Variants in ACVR2A observed in about 807,000 individuals in gnomAD.
ACVR2A encodes activin receptor type-2A.
In ACVR2A, 7 loss-of-function variants were observed where a neutral mutation model predicts 61.4. The observed-to-expected ratio is 0.11, with a 90% confidence interval of 0.06 to 0.21. The LOEUF (loss-of-function observed/expected upper bound fraction) is 0.21, where lower values mean the gene tolerates loss of function less well. Ranked by LOEUF, ACVR2A falls within the 10% of genes least tolerant of loss-of-function variation. The pLI is 1.00. For synonymous variants in ACVR2A, 193 were observed against 208.3 expected, an observed-to-expected ratio of 0.93 and a Z score of 0.63; for missense variants, 322 against 621.7, an observed-to-expected ratio of 0.52 and a Z score of 5.13.
intron 1 of ACVR2A, among the ~76,000 whole-genome samples, chr2:147,878,921 C>CT (rs1197232787): frequency 6.6e-6 from 1 of 151,408 alleles, no homozygotes; most frequent in Admixed American, 6.6e-5. Flanking sequence ...AAAAAAAAAT[C>CT]TTTTTTTGGA....
At chr2:147,882,424 G>A (rs1686327849) in intron 1 of ACVR2A, among the ~76,000 whole-genome samples, 1 of 152,156 alleles carries the variant, frequency 6.6e-6, no homozygotes, top group Admixed American at 6.5e-5. Context: ...GGTGGCGTGC[G>A]CCTGTAATTC....
At position 147,927,317 on chromosome 2, in the gene ACVR2A, T is replaced by C; in HGVS notation, c.*43T>C. The stretch of plus-strand genomic sequence containing the variant: ...CACACTAAGAAATGGGACTCTGAAC[T>C]GGAGCTGCTAAGCTAAAGAAACTGC... On this transcript the variant is annotated 3_prime_UTR_variant, in exon 11 of 11. Coordinates refer to ENST00000241416, the MANE Select transcript of ACVR2A (RefSeq NM_001616.5). The C allele has an allele frequency of 6.5e-7, 1 of 1,547,950 alleles. No homozygotes were observed. The highest frequency in any genetic ancestry group is 2.3e-5 in the East Asian group (1 of 42,870).
chr2:147,913,492 A>G (rs903227075), intron 4 of ACVR2A, among the ~76,000 whole-genome samples: 3 of 151,982 alleles, frequency 2.0e-5, no homozygotes, highest in Middle Eastern at 3.2e-3. Flanking sequence ...CAGTTATACA[A>G]TAACTCTTTG....
chr2:147,883,665 A>T (rs1686365513), intron 1 of ACVR2A, among the ~76,000 whole-genome samples: 1 of 152,124 alleles, frequency 6.6e-6, no homozygotes, highest in African/African-American at 2.4e-5. Context: ...ATTGTTATTT[A>T]AGGTCATTAT....
intron 7 of ACVR2A, among the ~76,000 whole-genome samples, chr2:147,919,735 T>C (rs1480314852): frequency 6.6e-6 from 1 of 152,134 alleles, no homozygotes; most frequent in Non-Finnish European, 1.5e-5. Flanking sequence ...ATTCATTCCA[T>C]AAGATGCTTT....
At chr2:147,878,602 A>G in intron 1 of ACVR2A, among the ~76,000 whole-genome samples, 1 of 152,046 alleles carries the variant, frequency 6.6e-6, no homozygotes, top group East Asian at 1.9e-4. Flanking sequence ...GGATTTTTAG[A>G]GAAAGGTTAT....
intron 1 of ACVR2A, among the ~76,000 whole-genome samples, chr2:147,887,084 T>A (rs1302661803): frequency 6.6e-6 from 1 of 151,912 alleles, no homozygotes; most frequent in African/African-American, 2.4e-5. Context: ...TGGTGGCACA[T>A]ACCTGTTGTC....
At chr2:147,847,397 T>C (rs1292503234) in intron 1 of ACVR2A, among the ~76,000 whole-genome samples, 1 of 152,160 alleles carries the variant, frequency 6.6e-6, no homozygotes, top group Non-Finnish European at 1.5e-5. Context: ...AACTAATTGA[T>C]TTTTCTACAA....
chr2:147,894,929 T>G (rs1002966847), intron 1 of ACVR2A, among the ~76,000 whole-genome samples: 5 of 152,268 alleles, frequency 3.3e-5, no homozygotes, highest in Middle Eastern at 6.8e-3. Context: ...CTTAATTGTG[T>G]CAGTCTACAC....
intron 4 of ACVR2A, among the ~76,000 whole-genome samples, chr2:147,910,148 T>A (rs1687080491): frequency 6.6e-6 from 1 of 152,148 alleles, no homozygotes; most frequent in Non-Finnish European, 1.5e-5. Context: ...TGTTGCATAG[T>A]TGATATTTTG....
At chr2:147,857,899 G>A (rs1237705463) in intron 1 of ACVR2A, among the ~76,000 whole-genome samples, 1 of 151,990 alleles carries the variant, frequency 6.6e-6, no homozygotes, top group African/African-American at 2.4e-5. Context: ...GTGTCATGGG[G>A]GTTTGTTTTA....
chr2:147,903,541 A>G (rs901840255), intron 4 of ACVR2A, among the ~76,000 whole-genome samples: 1 of 151,870 alleles, frequency 6.6e-6, no homozygotes. Context: ...TATGTTACTT[A>G]TGTGCTTAAA....
At chr2:147,890,213 A>G (rs943049886) in intron 1 of ACVR2A, among the ~76,000 whole-genome samples, 1 of 152,170 alleles carries the variant, frequency 6.6e-6, no homozygotes, top group Non-Finnish European at 1.5e-5. Flanking sequence ...TATTCTGTAT[A>G]CATTAGAAGT....
chr2:147,905,209 A>G lies in ACVR2A; in HGVS notation c.528+5311A>G, dbSNP rs148046328. On this transcript the variant is annotated intron_variant, in intron 4 of 10. Coordinates refer to ENST00000241416, the MANE Select transcript of ACVR2A (RefSeq NM_001616.5). ...TCTTTAGCCTTATTTTTTTGAGTAT[A>G]TATGTTTTCTTTTTTATAAACTATA... Among the ~76,000 whole-genome samples, 71 of 151,956 alleles carry G rather than the reference A, an allele frequency of 4.7e-4. 1 individual carries two copies. The East Asian group carries it at 0.013, about 28-fold the overall frequency.
At chr2:147,857,838 A>C (rs1685623334) in intron 1 of ACVR2A, among the ~76,000 whole-genome samples, 1 of 151,622 alleles carries the variant, frequency 6.6e-6, no homozygotes, top group Non-Finnish European at 1.5e-5. Flanking sequence ...TAAAAAAAAA[A>C]TTATTTTAAG....
At chr2:147,889,671 C>T (rs1686531993) in intron 1 of ACVR2A, among the ~76,000 whole-genome samples, 1 of 151,944 alleles carries the variant, frequency 6.6e-6, no homozygotes, top group Admixed American at 6.6e-5. Flanking sequence ...GGCATGGACC[C>T]AGGAGGCGGA....
chr2:147,925,156 G>T (rs902870602), intron 9 of ACVR2A, among the ~76,000 whole-genome samples: 1 of 151,964 alleles, frequency 6.6e-6, no homozygotes, highest in Non-Finnish European at 1.5e-5. Flanking sequence ...ATTAAAACCA[G>T]ACTTCAGAGT....
intron 2 of ACVR2A, among the ~76,000 whole-genome samples, chr2:147,898,535 A>G (rs1327847551): frequency 1.3e-5 from 2 of 152,114 alleles, no homozygotes; most frequent in Non-Finnish European, 2.9e-5. Flanking sequence ...TAAAACTCCT[A>G]TCTCCCTGAA....
chr2:147,866,870 C>G (rs1171914653), intron 1 of ACVR2A, among the ~76,000 whole-genome samples: 1 of 152,006 alleles, frequency 6.6e-6, no homozygotes, highest in African/African-American at 2.4e-5. Context: ...AGTATTCAGC[C>G]AATAGATGTA....
Sources: gnomAD v4.1 joint callset for allele counts (sites outside exome capture counted in the v4.1 genomes callset) on GRCh38, gnomAD v4.1.1 for gene constraint, MANE v1.5 for transcripts, NCBI Gene and HGNC (gene_info 2026-07-23, HGNC 2026-07-21) for gene names.